The following PPARD variants were observed in gnomAD, a reference collection of about 807,000 sequenced individuals.
PPARD encodes the protein peroxisome proliferator-activated receptor delta.
A neutral mutation model predicts 39.5 loss-of-function variants in PPARD; 6 were observed. The observed-to-expected ratio is 0.15, with a 90% CI of 0.08 to 0.30. The LOEUF (loss-of-function observed/expected upper bound fraction) is 0.30. PPARD is among the 10% of genes least tolerant of loss of function. The pLI is 1.00. For synonymous variants in PPARD, 210 were observed against 231.3 expected (o/e 0.91, Z 0.83); for missense variants, 397 against 596.8 (o/e 0.67, Z 3.49).
rs1015347896 is a variant in PPARD at position 35,426,736 on chromosome 6, C to T, written c.*657C>T. On this transcript the variant is annotated 3_prime_UTR_variant, in exon 8 of 8. Transcript: ENST00000360694. The stretch of plus-strand genomic sequence containing the variant: ...AGGCCCCAGGCTGAGAGCCAGATGC[C>T]TCCCCAAGACTGTCATTGCCCCTCC... 6.5e-6 allele frequency: 1 copy of T among 153,106 alleles called. No homozygotes were observed. Among genetic ancestry groups the T allele is most frequent in the African/African-American group, 2.4e-5 (1 of 41,472 alleles). 9.5% of individuals were successfully genotyped at this position (153,106 alleles called of 1,614,324 possible).
chr6:35,387,549 C>T (rs1355256094), intron 2 of PPARD, among the ~76,000 whole-genome samples: 3 of 151,952 alleles, frequency 2.0e-5, no homozygotes, highest in African/African-American at 4.8e-5. Flanking sequence ...GTTCCTTCCA[C>T]GGTTTTTCCA....
chr6:35,404,651 C>T (rs1323936147), intron 2 of PPARD, among the ~76,000 whole-genome samples: 1 of 152,214 alleles, frequency 6.6e-6, no homozygotes, highest in Admixed American at 6.5e-5. Context: ...GAGGGCTGCC[C>T]TGAAAGTGAG....
At chr6:35,421,983 C>G (rs752156599) in intron 5 of PPARD, 25 bp downstream of exon 5, 1 of 1,579,858 alleles carries the variant, frequency 6.3e-7, no homozygotes, top group Non-Finnish European at 8.6e-7. Flanking sequence ...GGGCAACTCA[C>G]GGGCTGCTGG....
intron 2 of PPARD, among the ~76,000 whole-genome samples, chr6:35,371,502 A>G (rs1055545256): frequency 4.6e-5 from 7 of 152,162 alleles, no homozygotes; most frequent in African/African-American, 1.2e-4. Context: ...AGCAGAGTCC[A>G]TCTTTGTCTC....
At chr6:35,390,094 G>C (rs948538401) in intron 2 of PPARD, among the ~76,000 whole-genome samples, 11 of 152,206 alleles carry the variant, frequency 7.2e-5, no homozygotes, top group African/African-American at 2.7e-4. Context: ...GATGTGCCCT[G>C]TGTTCTCGGC....
rs199855443 is a variant in PPARD at position 35,425,038 on chromosome 6, C to T, written c.1078+259C>T. On this transcript the variant is annotated intron_variant, in intron 7 of 7. Transcript: ENST00000360694. This position sits in a 1 kb window ranked among gnomAD's most constrained non-coding sequence, Gnocchi z 4.5. ...CTGTAATCCCAGCACTTTGGCAGGC[C>T]GAGGCGGGTGGATCACTTGAGGTCA... 14 of 1,283,976 alleles carry T rather than the reference C, an allele frequency of 1.1e-5. No individual in the cohort carries two copies. In the East Asian group the frequency reaches 1.3e-4, roughly 12 times the overall value. 79.5% of individuals were successfully genotyped at this position (1,283,976 alleles called of 1,614,324 possible).
At chr6:35,406,498 G>A (rs1402204429) in intron 2 of PPARD, among the ~76,000 whole-genome samples, 1 of 152,208 alleles carries the variant, frequency 6.6e-6, no homozygotes, top group African/African-American at 2.4e-5. Flanking sequence ...GCAAAATGCA[G>A]GGATGGGCTG....
chr6:35,351,567 G>T (rs1055851574), intron 2 of PPARD, among the ~76,000 whole-genome samples: 26 of 151,044 alleles, frequency 1.7e-4, no homozygotes, highest in African/African-American at 6.1e-4. Context: ...GTTTGATTTT[G>T]TCTGAGATAG....
intron 2 of PPARD, among the ~76,000 whole-genome samples, chr6:35,365,928 A>G (rs542199074): frequency 6.6e-6 from 1 of 151,796 alleles, no homozygotes; most frequent in Non-Finnish European, 1.5e-5. Flanking sequence ...TAATGGAGAT[A>G]GACACTGGGG....
intron 2 of PPARD, among the ~76,000 whole-genome samples, chr6:35,388,998 C>T (rs1403187480): frequency 6.6e-6 from 1 of 152,126 alleles, no homozygotes; most frequent in Admixed American, 6.5e-5. Context: ...GCAAAACTAG[C>T]TGATGGTGAT....
chr6:35,384,584 G>A (rs1763454975), intron 2 of PPARD, among the ~76,000 whole-genome samples: 6 of 92,640 alleles, frequency 6.5e-5, no homozygotes, highest in African/African-American at 2.8e-4. Flanking sequence ...CCCTCTGCCC[G>A]GCCAGCCGCC....
At chr6:35,416,431 T>G (rs1765778734) in intron 3 of PPARD, among the ~76,000 whole-genome samples, 1 of 140,740 alleles carries the variant, frequency 7.1e-6, no homozygotes, top group South Asian at 2.3e-4. Context: ...GCACATTGTT[T>G]GGTCAAACAA....
At chr6:35,377,874 T>TTTTTTTTTTTTTTTTTTTTTTTC (rs1445981698) in intron 2 of PPARD, among the ~76,000 whole-genome samples, 2 of 142,148 alleles carry the variant, frequency 1.4e-5, no homozygotes, top group African/African-American at 6.1e-5. Context: ...TACGTATCTT[T>TTTTTTTTTTTTTTTTTTTTTTTC]TTTTTTTTGA....
At position 35,411,231 on chromosome 6, in the gene PPARD, T is replaced by G. The variant is rs199826149; in HGVS notation, c.130+14T>G. On this transcript the variant is annotated intron_variant, in intron 3 of 7. Coordinates refer to ENST00000360694, the MANE Select transcript of PPARD (RefSeq NM_006238.5). ...GCAGCTACACAGGTGAGGAGAGGAC[T>G]GGCAGGGGACACGGGGCAGAGGAGG... 133 of 1,494,130 alleles carry G rather than the reference T, an allele frequency of 8.9e-5. No homozygotes were observed. The highest frequency in any genetic ancestry group is 1.1e-4 in the Non-Finnish European group (121 of 1,116,240). 92.6% of individuals were successfully genotyped at this position (1,494,130 alleles called of 1,614,324 possible).
At chr6:35,407,342 AC>A (rs1273859211) in intron 2 of PPARD, among the ~76,000 whole-genome samples, 4 of 146,236 alleles carry the variant, frequency 2.7e-5, no homozygotes, top group Admixed American at 2.1e-4. Context: ...CATCCCACTC[AC>A]CCTGGGCTCT....
chr6:35,405,432 C>T (rs915890831), intron 2 of PPARD, among the ~76,000 whole-genome samples: 1 of 151,942 alleles, frequency 6.6e-6, no homozygotes, highest in African/African-American at 2.4e-5. Context: ...TGGCTCAGGG[C>T]CCTTGTGTTG....
intron 2 of PPARD, among the ~76,000 whole-genome samples, chr6:35,375,212 T>TTG: frequency 7.8e-6 from 1 of 127,502 alleles, no homozygotes; most frequent in African/African-American, 3.1e-5. Context: ...CTTCCGAGTT[T>TTG]TTTTTTTTTT....
chr6:35,358,711 TA>T (rs1761756919), intron 2 of PPARD, among the ~76,000 whole-genome samples: 1 of 152,232 alleles, frequency 6.6e-6, no homozygotes, highest in South Asian at 2.1e-4. Context: ...CCTTCAGTGA[TA>T]TCATGAACAA....
rs1163815612 is a variant in PPARD at position 35,363,027 on chromosome 6, G to A, written c.-102+15877G>A. ...CTCCCTGGGCAGTAGGCAGGGATCC[G>A]AGCATAGAGGAAGATGTTCCATGCA... On this transcript the variant is annotated intron_variant, in intron 2 of 7. Transcript: ENST00000360694. This position sits in a 1 kb window ranked among gnomAD's most constrained non-coding sequence, Gnocchi z 4.5. 6.6e-6 allele frequency among the ~76,000 whole-genome samples: 1 copy of A among 152,162 alleles called. No individual in the cohort carries two copies. The highest frequency in any genetic ancestry group is 2.4e-5 in the African/African-American group (1 of 41,420).
Sources: allele counts gnomAD v4.1 joint callset (sites outside exome capture counted in the v4.1 genomes callset), GRCh38; gene constraint gnomAD v4.1.1; non-coding constraint Gnocchi (gnomAD v3.1); transcripts MANE v1.5; gene names NCBI Gene and HGNC (gene_info 2026-07-23, HGNC 2026-07-21).